Variants in CEP41 observed in about 807,000 individuals in gnomAD.
CEP41 encodes centrosomal protein of 41 kDa.
A neutral mutation model predicts 44.3 loss-of-function variants in CEP41; 32 were observed. The ratio of observed to expected loss-of-function variants is 0.72; its 90% CI spans 0.54 to 0.97. The LOEUF (loss-of-function observed/expected upper bound fraction) is 0.97. Among genes scored for constraint, CEP41 ranks in the 50% least tolerant of loss-of-function variants. The pLI is 0.00. For missense variants in CEP41, 432 were observed against 455.2 expected, an observed-to-expected ratio of 0.95 and a Z score of 0.46; for synonymous variants, 151 against 168.5, an observed-to-expected ratio of 0.90 and a Z score of 0.80.
At chr7:130,419,273 A>T in intron 2 of CEP41, 1 of 985,470 alleles carries the variant, frequency 1.0e-6, no homozygotes, top group Non-Finnish European at 1.2e-6. Flanking sequence ...AGAATGGGGA[A>T]AAAAGGAGAA....
intron 1 of CEP41, 106 bp downstream of exon 1, chr7:130,440,828 C>A: frequency 3.5e-6 from 3 of 863,280 alleles, no homozygotes; most frequent in Admixed American, 2.0e-5. Context: ...CCGGCCCCTT[C>A]CCGCCTTCCG....
intron 1 of CEP41, among the ~76,000 whole-genome samples, chr7:130,432,459 A>G (rs2117695198): frequency 6.6e-6 from 1 of 152,156 alleles, no homozygotes; most frequent in African/African-American, 2.4e-5. Flanking sequence ...GTTGTCTAAA[A>G]TGGAACTATC....
intron 6 of CEP41, among the ~76,000 whole-genome samples, chr7:130,404,258 A>C (rs1796940566): frequency 6.6e-6 from 1 of 152,170 alleles, no homozygotes; most frequent in Non-Finnish European, 1.5e-5. Context: ...TCTGAATCAA[A>C]AGATAGTATT....
chr7:130,421,565 G>A (rs1477212031), intron 2 of CEP41: 1 of 986,944 alleles, frequency 1.0e-6, no homozygotes, highest in South Asian at 4.7e-5. Flanking sequence ...GATGCTTACA[G>A]TCAAGGCTAT....
chr7:130,423,930 A>G (rs1216552846), intron 2 of CEP41, among the ~76,000 whole-genome samples: 5 of 152,356 alleles, frequency 3.3e-5, no homozygotes, highest in Admixed American at 2.0e-4. Flanking sequence ...AGATAGAGAA[A>G]GTAGATTAGT....
At chr7:130,413,593 A>AG (rs1554420285) in intron 3 of CEP41, among the ~76,000 whole-genome samples, 2 of 151,452 alleles carry the variant, frequency 1.3e-5, no homozygotes. Flanking sequence ...AAAAAAACAA[A>AG]AAAAAAACTT....
chr7:130,411,072 C>T (rs1797167954), intron 5 of CEP41, 50 bp downstream of exon 5: 1 of 1,488,712 alleles, frequency 6.7e-7, no homozygotes, highest in Non-Finnish European at 9.4e-7. Context: ...GTGAGTGTTT[C>T]AGTCAAATGG....
intron 2 of CEP41, chr7:130,421,803 T>C: frequency 1.5e-6 from 2 of 1,311,752 alleles, no homozygotes; most frequent in Non-Finnish European, 1.9e-6. Context: ...TGGGGACTAA[T>C]AAAGGGAGAG....
Position 130,395,447 on chromosome 7 carries a change from G to T in CEP41, c.*3444C>A, listed in dbSNP as rs183669606. 478 of 454,088 alleles carry T rather than the reference G, an allele frequency of 1.1e-3. No homozygotes were observed. The highest frequency in any genetic ancestry group is 8.6e-3 in the African/African-American group (432 of 50,110). The allele number at this position is 454,088 out of a possible 1,614,324, so 28.1% of individuals were successfully genotyped here. On this transcript the variant is annotated 3_prime_UTR_variant, in exon 11 of 11. Coordinates refer to ENST00000223208, the MANE Select transcript of CEP41 (RefSeq NM_018718.3). ...CATTAAAGACACTGAGAACGTTTTAGAACTGGAGAAAGAAAGGTTCTTACT... is the reference window on the plus strand; with the variant it reads ...CATTAAAGACACTGAGAACGTTTTATAACTGGAGAAAGAAAGGTTCTTACT...
intron 2 of CEP41, chr7:130,421,996 A>G (rs1554422316): frequency 6.5e-7 from 1 of 1,535,912 alleles, no homozygotes; most frequent in African/African-American, 1.4e-5. Context: ...CTGGTAAGAT[A>G]CACACAGGCA....
rs1554415916 is a variant in CEP41, at chr7:130,398,613, T to C, written c.*278A>G. ...AAAAACTAAAAACGTAGATACTTTT[T>C]TCCTATACAGTTTCACAAGACTTAA... On this transcript the variant is annotated 3_prime_UTR_variant, in exon 11 of 11. Transcript: ENST00000223208. 1.6e-6 allele frequency: 1 copy of C among 615,712 alleles called. No homozygotes were observed. Among genetic ancestry groups the C allele is most frequent in the Admixed American group, 2.1e-5 (1 of 47,372 alleles). 38.1% of individuals were successfully genotyped at this position (615,712 alleles called of 1,614,324 possible). A position where few individuals can be genotyped will look rare whatever the true frequency, so the allele number is the denominator to read the frequency against.
At chr7:130,427,884 T>G (rs1406734355) in intron 2 of CEP41, 71 bp downstream of exon 2, 10 of 973,356 alleles carry the variant, frequency 1.0e-5, no homozygotes, top group Non-Finnish European at 1.6e-5. Flanking sequence ...ATACCAGATA[T>G]GTGGGGTTGC....
At position 130,395,670 on chromosome 7, in the gene CEP41, C is replaced by CGTAA. The variant is rs1554414187; in HGVS notation, c.*3220_*3221insTTAC. ...TAGCCTAGGACTCTGATTTCACTTACATTCCACAAGGGAATTAGAGAAAAC... is the reference window on the plus strand; with the variant it reads ...TAGCCTAGGACTCTGATTTCACTTACGTAAATTCCACAAGGGAATTAGAGAAAAC... On this transcript the variant is annotated 3_prime_UTR_variant, in exon 11 of 11. Transcript: ENST00000223208. 2.2e-6 allele frequency: 1 copy of CGTAA among 453,914 alleles called. No individual in the cohort carries two copies. The allele number at this position is 453,914 out of a possible 1,614,324, so 28.1% of individuals were successfully genotyped here.
In CEP41 at chr7:130,397,595, G is replaced by A. The variant is rs1554415343; in HGVS notation, c.*1296C>T. 2.2e-6 allele frequency: 1 copy of A among 445,318 alleles called. No individual in the cohort carries two copies. Among genetic ancestry groups the A allele is most frequent in the East Asian group, 7.1e-5 (1 of 13,990 alleles). The allele number at this position is 445,318 out of a possible 1,614,324, so 27.6% of individuals were successfully genotyped here. A position where few individuals can be genotyped will look rare whatever the true frequency, so the allele number is the denominator to read the frequency against. ...CCCCGTAGCAGTTACCAGCAGGACA[G>A]GCAATTTTCAGTGGGCTTTTCAGAA... is the stretch of plus-strand genomic sequence containing the variant. On this transcript the variant is annotated 3_prime_UTR_variant, in exon 11 of 11. Coordinates refer to ENST00000223208, the MANE Select transcript of CEP41 (RefSeq NM_018718.3).
chr7:130,422,331 T>C (rs990958179), intron 2 of CEP41, among the ~76,000 whole-genome samples: 2 of 152,220 alleles, frequency 1.3e-5, no homozygotes, highest in African/African-American at 2.4e-5. Flanking sequence ...ATGCTCTGAC[T>C]GCAGAGCTTA....
Position 130,397,989 on chromosome 7 carries a change from G to A in CEP41, c.*902C>T. 1 of 454,482 alleles carries A rather than the reference G, an allele frequency of 2.2e-6. No homozygotes were observed. Among genetic ancestry groups the A allele is most frequent in the South Asian group, 1.6e-5 (1 of 64,482 alleles). The allele number at this position is 454,482 out of a possible 1,614,324, so 28.2% of individuals were successfully genotyped here. A position where few individuals can be genotyped will look rare whatever the true frequency, so the allele number is the denominator to read the frequency against. On this transcript the variant is annotated 3_prime_UTR_variant, in exon 11 of 11. Transcript: ENST00000223208. ...AGGACTTCGGAGTCCTCTTCACCTT[G>A]TGTGTCCACAGTTGTCCAACCAAAG...
At chr7:130,436,500 A>G (rs1171857672) in intron 1 of CEP41, among the ~76,000 whole-genome samples, 1 of 152,218 alleles carries the variant, frequency 6.6e-6, no homozygotes, top group Non-Finnish European at 1.5e-5. Context: ...AATCTTGATT[A>G]AATCTATACA....
chr7:130,424,907 A>G (rs1239703506), intron 2 of CEP41, among the ~76,000 whole-genome samples: 3 of 152,234 alleles, frequency 2.0e-5, no homozygotes, highest in Non-Finnish European at 4.4e-5. Flanking sequence ...TAAGAGGATG[A>G]AAAGACAAGT....
chr7:130,419,308 T>C (rs1413280665), intron 2 of CEP41: 4 of 985,316 alleles, frequency 4.1e-6, no homozygotes, highest in African/African-American at 1.7e-5. Flanking sequence ...CTTGCTTTAA[T>C]TGGACAAATG....
Sources: allele counts gnomAD v4.1 joint callset (sites outside exome capture counted in the v4.1 genomes callset), GRCh38; gene constraint gnomAD v4.1.1; transcripts MANE v1.5; gene names NCBI Gene and HGNC (gene_info 2026-07-23, HGNC 2026-07-21).